The following THADA variants were observed in gnomAD, a reference collection of about 807,000 sequenced individuals.
THADA encodes THADA armadillo repeat containing.
THADA carries 213 observed loss-of-function variants against 219.8 expected under a neutral mutation model. That is an observed-to-expected ratio of 0.97 (90% CI 0.87 to 1.09). The LOEUF (loss-of-function observed/expected upper bound fraction) is 1.09. THADA is among the 50% of genes least tolerant of loss of function. The pLI, the probability that THADA is intolerant of heterozygous loss-of-function variation, is 0.00. For synonymous variants in THADA, 1,018 were observed against 828.9 expected (o/e 1.23, Z -3.92); for missense variants, 2,956 against 2,311.3 (o/e 1.28, Z -5.72).
At chr2:43,432,460 CTT>C (rs536184758) in intron 26 of THADA, among the ~76,000 whole-genome samples, 19 of 141,242 alleles carry the variant, frequency 1.3e-4, no homozygotes, top group Non-Finnish European at 1.4e-4. Flanking sequence ...GGTTCTTTAC[CTT>C]TTTTTTTTTT....
In THADA at chr2:43,571,802, T is replaced by A. The variant is rs3752354; in HGVS notation, c.1969A>T (p.Met657Leu). The A allele has an allele frequency of 5.6e-6, 9 of 1,613,856 alleles. No individual in the cohort carries two copies. Among genetic ancestry groups the A allele is most frequent in the African/African-American group, 1.3e-5 (1 of 74,908 alleles). Reference protein sequence around the residue: ...ESNRSTEIVSMEEMQWIQFFI... With the variant: ...ESNRSTEIVSLEEMQWIQFFI... ...AACTGAATCCACTGCATTTCTTCCA[T>A]GGAAACAATTTCTGTGCTCCGATTA... is the stretch of plus-strand genomic sequence containing the variant. The change falls in exon 13 of 38, where the codon ATG becomes TTG. Residue 657 changes from methionine (M) to leucine (L), a missense_variant. By Grantham distance (15) the Met-to-Leu change is conservative. Coordinates refer to ENST00000405975, the MANE Select transcript of THADA (RefSeq NM_022065.5).
At chr2:43,568,120 C>A (rs910152011) in intron 14 of THADA, among the ~76,000 whole-genome samples, 1 of 152,150 alleles carries the variant, frequency 6.6e-6, no homozygotes, top group African/African-American at 2.4e-5. Flanking sequence ...GAACCTTACA[C>A]AGGTTATTGA....
At chr2:43,505,206 A>T (rs1329699164) in intron 24 of THADA, among the ~76,000 whole-genome samples, 1 of 152,222 alleles carries the variant, frequency 6.6e-6, no homozygotes, top group Non-Finnish European at 1.5e-5. Flanking sequence ...TCATAGATGC[A>T]ACAGTATTAT....
intron 4 of THADA, among the ~76,000 whole-genome samples, chr2:43,588,315 G>A (rs1185498002): frequency 6.6e-6 from 1 of 150,436 alleles, no homozygotes; most frequent in Non-Finnish European, 1.5e-5. Flanking sequence ...AATAGTATAA[G>A]GCCTGCAAAT....
chr2:43,443,423 C>T (rs946629617), intron 26 of THADA, among the ~76,000 whole-genome samples: 2 of 152,176 alleles, frequency 1.3e-5, no homozygotes, highest in Admixed American at 1.3e-4. Context: ...ATAAATAACG[C>T]TTGTCTCACT....
intron 29 of THADA, among the ~76,000 whole-genome samples, chr2:43,383,261 G>T (rs1672253940): frequency 6.6e-6 from 1 of 152,182 alleles, no homozygotes; most frequent in Non-Finnish European, 1.5e-5. Context: ...AATCAACCTA[G>T]GCTCACTATA....
intron 29 of THADA, among the ~76,000 whole-genome samples, chr2:43,376,861 G>A (rs1671436258): frequency 1.3e-5 from 2 of 152,146 alleles, no homozygotes; most frequent in Non-Finnish European, 2.9e-5. Flanking sequence ...GACTTCATAT[G>A]CAGCCAACAT....
intron 9 of THADA, among the ~76,000 whole-genome samples, chr2:43,577,667 T>C (rs992900910): frequency 6.6e-6 from 1 of 152,058 alleles, no homozygotes; most frequent in Admixed American, 6.6e-5. Context: ...TTCCATACAA[T>C]ATAGCAAGCA....
intron 10 of THADA, 122 bp from the exon 11 acceptor site, chr2:43,575,149 A>T: frequency 3.9e-6 from 3 of 778,804 alleles, no homozygotes; most frequent in Non-Finnish European, 5.8e-6. Flanking sequence ...TCAATTATTA[A>T]ATTTACAAGA....
At chr2:43,542,190 TA>T (rs1453891754) in intron 20 of THADA, among the ~76,000 whole-genome samples, 3 of 152,294 alleles carry the variant, frequency 2.0e-5, no homozygotes, top group South Asian at 4.1e-4. Context: ...ACTTATAGGG[TA>T]ACCTCATTTG....
chr2:43,592,162 G>C, intron 2 of THADA, 116 bp from the exon 3 acceptor site: 1 of 1,000,590 alleles, frequency 1.0e-6, no homozygotes. Flanking sequence ...GTGGAACATA[G>C]TCTGAAGACA....
At position 43,398,876 on chromosome 2, in the gene THADA, G is replaced by GTTCAA. The variant is rs1336471774; in HGVS notation, c.4059-738_4059-737insTTGAA. On this transcript the variant is annotated intron_variant, in intron 28 of 37. Transcript: ENST00000405975. The stretch of plus-strand genomic sequence containing the variant: ...TGAACTTACTGTTAAGAGAACAAGA[G>GTTCAA]ATGGACCTTCAAATCACCAAATCCT... Among the ~76,000 whole-genome samples, 7 of 152,302 alleles carry GTTCAA rather than the reference G, an allele frequency of 4.6e-5. No homozygotes were observed. In the East Asian group the frequency reaches 1.4e-3, roughly 29 times the overall value.
intron 23 of THADA, 145 bp from the exon 24 acceptor site, chr2:43,505,880 G>A: frequency 3.2e-6 from 2 of 630,430 alleles, no homozygotes; most frequent in Non-Finnish European, 5.5e-6. Context: ...ATGTGGCCGT[G>A]GGCAAGTGGT....
intron 15 of THADA, chr2:43,564,168 A>G (rs905301595): frequency 3.3e-5 from 5 of 152,224 alleles, no homozygotes; most frequent in African/African-American, 1.2e-4. Flanking sequence ...GTAAAAACTT[A>G]TTTTCTAAAT....
At chr2:43,459,212 C>T (rs1382956605) in intron 26 of THADA, among the ~76,000 whole-genome samples, 2 of 152,186 alleles carry the variant, frequency 1.3e-5, no homozygotes, top group South Asian at 2.1e-4. Context: ...GTACCCTGTG[C>T]ATTTTCATCC....
chr2:43,556,841 G>C (rs1053249839), intron 16 of THADA, among the ~76,000 whole-genome samples: 1 of 152,124 alleles, frequency 6.6e-6, no homozygotes, highest in African/African-American at 2.4e-5. Flanking sequence ...AAGATGGGAG[G>C]ATCACTTGAG....
At chr2:43,575,739 T>C (rs1442161256) in intron 10 of THADA, among the ~76,000 whole-genome samples, 2 of 152,066 alleles carry the variant, frequency 1.3e-5, no homozygotes, top group African/African-American at 4.8e-5. Flanking sequence ...GGTTTCACCA[T>C]GTTGACCAGG....
chr2:43,273,496 C>T (rs180670953), intron 36 of THADA, among the ~76,000 whole-genome samples: 4 of 152,146 alleles, frequency 2.6e-5, no homozygotes, highest in South Asian at 2.1e-4. Flanking sequence ...ACTTTGAAGG[C>T]GATATACCTG....
rs774974567 is a variant in THADA, at chr2:43,344,223, C to G, written c.4242G>C (p.Leu1414Phe). ...HGTLLQVFHL[L>F]QAYSDSKHGT... ...CGTGTTTGGAGTCTGAGTAGGCTTG[C>G]AACAAATGAAAAACCTAAACCAAAA... Residue 1414 changes from leucine to phenylalanine, a missense_variant, in exon 30 of 38, where the codon TTG becomes TTC. Coordinates refer to ENST00000405975, the MANE Select transcript of THADA (RefSeq NM_022065.5). 10 of 1,601,352 alleles carry G rather than the reference C, an allele frequency of 6.2e-6. No individual in the cohort carries two copies. In the Admixed American group the frequency reaches 1.8e-4, roughly 28 times the overall value.
Sources: gnomAD v4.1 joint callset for allele counts (sites outside exome capture counted in the v4.1 genomes callset) on GRCh38, gnomAD v4.1.1 for gene constraint, MANE v1.5 for transcripts, NCBI Gene and HGNC (gene_info 2026-07-23, HGNC 2026-07-21) for gene names.